The following GALK2 variants were observed in gnomAD, a reference collection of about 807,000 sequenced individuals.
GALK2 encodes N-acetylgalactosamine kinase.
GALK2 carries 36 observed loss-of-function variants against 52.4 expected under a neutral mutation model. The observed-to-expected ratio is 0.69, with a 90% CI of 0.53 to 0.91. The LOEUF (loss-of-function observed/expected upper bound fraction) is 0.91, where lower values mean the gene tolerates loss of function less well. Ranked by LOEUF, GALK2 falls within the 40% of genes least tolerant of loss-of-function variation. GALK2 has a pLI of 0.00. For missense variants in GALK2, 579 were observed against 559.1 expected, an observed-to-expected ratio of 1.04 and a Z score of -0.36; for synonymous variants, 176 against 199.1, an observed-to-expected ratio of 0.88 and a Z score of 0.98.
chr15:49,257,227 T>G (rs542725798), intron 5 of GALK2, among the ~76,000 whole-genome samples: 2 of 152,304 alleles, frequency 1.3e-5, no homozygotes, highest in Admixed American at 1.3e-4. Context: ...TATACAGACA[T>G]AAATCCCATA....
chr15:49,355,844 G>C (rs576535895), intron 3 of GALK2, among the ~76,000 whole-genome samples: 7 of 152,272 alleles, frequency 4.6e-5, no homozygotes, highest in Non-Finnish European at 7.4e-5. Flanking sequence ...TAGAGAGAAA[G>C]GTCGGGTCAC....
At chr15:49,186,224 T>G (rs993363579) in intron 1 of GALK2, among the ~76,000 whole-genome samples, 12 of 152,194 alleles carry the variant, frequency 7.9e-5, no homozygotes, top group African/African-American at 2.7e-4. Flanking sequence ...TCTCTATGCT[T>G]TTTCAGGCCA....
intron 2 of GALK2, among the ~76,000 whole-genome samples, chr15:49,212,339 C>T (rs1275075168): frequency 1.7e-4 from 26 of 151,828 alleles, no homozygotes; most frequent in Admixed American, 1.7e-3. Context: ...GATCTGCCCA[C>T]CTTGGCCTCC....
chr15:49,307,763 G>A (rs1022588016), intron 8 of GALK2, among the ~76,000 whole-genome samples: 6 of 152,170 alleles, frequency 3.9e-5, no homozygotes, highest in Non-Finnish European at 7.3e-5. Flanking sequence ...GAGGAGCACT[G>A]TTACTCTCCA....
chr15:49,312,296 G>A (rs954056946), intron 8 of GALK2, among the ~76,000 whole-genome samples: 4 of 152,194 alleles, frequency 2.6e-5, no homozygotes, highest in Non-Finnish European at 5.9e-5. Context: ...TGCCAGTATG[G>A]GTAGAACAAA....
intron 8 of GALK2, among the ~76,000 whole-genome samples, chr15:49,306,499 T>C (rs777747133): frequency 1.1e-4 from 17 of 152,316 alleles, no homozygotes; most frequent in Non-Finnish European, 2.2e-4. Context: ...AATAGAAATA[T>C]GCTTATTTCA....
intron 1 of GALK2, among the ~76,000 whole-genome samples, chr15:49,163,450 A>G (rs958143510): frequency 2.4e-4 from 36 of 152,054 alleles, no homozygotes; most frequent in African/African-American, 7.7e-4. Context: ...GAAGTTTTAT[A>G]TAGTTTTACC....
upstream of GALK2, among the ~76,000 whole-genome samples, chr15:49,168,079 T>C (rs1226748155): frequency 1.3e-5 from 2 of 152,210 alleles, no homozygotes; most frequent in Non-Finnish European, 2.9e-5. Context: ...TAGTTCTAGC[T>C]CTGTTAATCC....
chr15:49,228,239 TC>T (rs1046117631), intron 3 of GALK2, among the ~76,000 whole-genome samples: 8 of 152,188 alleles, frequency 5.3e-5, no homozygotes, highest in African/African-American at 1.9e-4. Flanking sequence ...TCTCTGAGCT[TC>T]CTGTATCAGA....
At chr15:49,275,826 A>C (rs909638374) in intron 5 of GALK2, among the ~76,000 whole-genome samples, 1 of 152,162 alleles carries the variant, frequency 6.6e-6, no homozygotes, top group Admixed American at 6.5e-5. Flanking sequence ...ATTCTCTATT[A>C]AATTGAACCC....
intron 2 of GALK2, among the ~76,000 whole-genome samples, chr15:49,206,220 C>A (rs2088268842): frequency 6.6e-6 from 1 of 151,494 alleles, no homozygotes; most frequent in African/African-American, 2.4e-5. Flanking sequence ...TATGCAGGCT[C>A]TTTTTTGGTT....
intron 3 of GALK2, among the ~76,000 whole-genome samples, chr15:49,232,155 C>G (rs901378636): frequency 4.6e-5 from 7 of 152,230 alleles, no homozygotes; most frequent in African/African-American, 1.7e-4. Flanking sequence ...ACTCTGAAAT[C>G]TAGGCAGAGG....
chr15:49,291,474 C>T (rs1161651497), intron 7 of GALK2, among the ~76,000 whole-genome samples: 1 of 152,120 alleles, frequency 6.6e-6, no homozygotes, highest in East Asian at 1.9e-4. Context: ...AGACTGATTT[C>T]CCCTTCTCTT....
intron 3 of GALK2, chr15:49,366,712 C>T: frequency 4.0e-6 from 5 of 1,264,186 alleles, no homozygotes; most frequent in East Asian, 4.7e-5. Context: ...GGTGGGGTGG[C>T]GCGGCGCGGC....
intron 1 of GALK2, among the ~76,000 whole-genome samples, chr15:49,181,841 T>C (rs533793220): frequency 6.6e-6 from 1 of 152,238 alleles, no homozygotes; most frequent in East Asian, 1.9e-4. Flanking sequence ...GTTTTAATTT[T>C]TTTTAATTTT....
intron 3 of GALK2, among the ~76,000 whole-genome samples, chr15:49,356,292 T>C (rs1360954659): frequency 2.0e-5 from 3 of 151,208 alleles, no homozygotes; most frequent in Non-Finnish European, 2.9e-5. Flanking sequence ...GACTGGCAAA[T>C]TGGATAAAGA....
chr15:49,266,776 A>G (rs1243912349), intron 5 of GALK2, among the ~76,000 whole-genome samples: 2 of 152,182 alleles, frequency 1.3e-5, no homozygotes, highest in African/African-American at 2.4e-5. Flanking sequence ...GTGTGTGTGA[A>G]TCTGGCAATT....
intron 3 of GALK2, among the ~76,000 whole-genome samples, chr15:49,342,031 A>T (rs2040814562): frequency 6.6e-6 from 1 of 152,160 alleles, no homozygotes; most frequent in Non-Finnish European, 1.5e-5. Context: ...AGTATTTTGT[A>T]GGTATCTCTT....
intron 5 of GALK2, among the ~76,000 whole-genome samples, chr15:49,265,758 A>T (rs2092338344): frequency 6.6e-6 from 1 of 152,228 alleles, no homozygotes; most frequent in African/African-American, 2.4e-5. Flanking sequence ...GAATGGAACA[A>T]AATGTTTGAA....
Sources: gnomAD v4.1 joint callset for allele counts (sites outside exome capture counted in the v4.1 genomes callset) on GRCh38, gnomAD v4.1.1 for gene constraint, MANE v1.5 for transcripts, NCBI Gene and HGNC (gene_info 2026-07-23, HGNC 2026-07-21) for gene names.